CHD8: variants seen among roughly 807,000 people sequenced by gnomAD.
The protein encoded by CHD8 is chromodomain helicase DNA binding protein 8, also known as ATP-dependent chromatin remodeler CHD8.
In CHD8, 31 loss-of-function variants were observed where a neutral mutation model predicts 279.2. The observed-to-expected ratio is 0.11, with a 90% CI of 0.08 to 0.15. The LOEUF is 0.15. Ranked by LOEUF, CHD8 falls within the 10% of genes least tolerant of loss-of-function variation. The pLI is 1.00. For synonymous variants in CHD8, 1,081 were observed against 1,139.6 expected, an observed-to-expected ratio of 0.95 and a Z score of 1.04; for missense variants, 2,146 against 3,230.5, an observed-to-expected ratio of 0.66 and a Z score of 8.14.
intron 5 of CHD8, among the ~76,000 whole-genome samples, chr14:21,417,882 A>AAT (rs1411327888): frequency 0.022 from 2,997 of 138,690 alleles, 36 homozygotes; most frequent in African/African-American, 0.027. Context: ...ATATATATAT[A>AAT]ATATATATAT....
chr14:21,410,747 A>T (rs974827767), intron 10 of CHD8, among the ~76,000 whole-genome samples: 2 of 152,208 alleles, frequency 1.3e-5, no homozygotes, highest in African/African-American at 4.8e-5. Context: ...ATCAACAAGA[A>T]TCTCTAATTA....
rs772017728 is a variant in CHD8, at chr14:21,392,617, CACT to C, written c.6658_6660del (p.Ser2220del). ...GCTTCCTCCTCTGCCATGGAAGCTG[CACT>C]ACTACTTCGTGGTGTGGGGACTGGA... On this transcript the variant is annotated inframe_deletion, in exon 34 of 38. Coordinates refer to ENST00000646647, the MANE Select transcript of CHD8 (RefSeq NM_001170629.2). 1.2e-6 allele frequency: 2 copies of C among 1,613,938 alleles called. No individual in the cohort carries two copies.
intron 8 of CHD8, 27 bp from the exon 9 acceptor site, chr14:21,414,445 T>C (rs1235548438): frequency 2.6e-5 from 32 of 1,243,730 alleles, no homozygotes; most frequent in Non-Finnish European, 3.3e-5. Context: ...AATCCAGTCA[T>C]GGTGCAAGTA....
rs1421148075 is a variant in CHD8, at chr14:21,438,529, AAAG to A, written c.-215-6674_-215-6672del. On this transcript the variant is annotated intron_variant, in intron 1 of 37. Coordinates refer to ENST00000646647, the MANE Select transcript of CHD8 (RefSeq NM_001170629.2). ...TAGTCTCTTAAAAAAAAAAAAAAAA[AAAG>A]AAAGAAAGAAAAAAGAAAGATGCCG... Among the ~76,000 whole-genome samples, 970 of 149,266 alleles carry A rather than the reference AAAG, an allele frequency of 6.5e-3. 14 individuals are homozygous for A. The highest frequency in any genetic ancestry group is 0.022 in the African/African-American group (871 of 40,236).
Position 21,393,588 on chromosome 14 carries a change from C to T in CHD8, c.6207G>A (p.Ser2069=), listed in dbSNP as rs370827611. Residue 2069 remains serine (S), a synonymous_variant, in exon 32 of 38, where the codon TCG becomes TCA. Coordinates refer to ENST00000646647, the MANE Select transcript of CHD8 (RefSeq NM_001170629.2). ...PPVKLEDEDD[S]DSELDLSKLS... ...GCTTGCTCAAGTCCAGCTCAGAGTC[C>T]GAATCATCCTCATCCTCCAGTTTGA... 1,786 of 1,613,298 alleles carry T rather than the reference C, an allele frequency of 1.1e-3. 1 individual carries two copies. The highest frequency in any genetic ancestry group is 1.4e-3 in the Non-Finnish European group (1,672 of 1,179,724).
Position 21,400,193 on chromosome 14 carries a change from T to C in CHD8, c.4685A>G (p.Gln1562Arg), listed in dbSNP as rs908187348. ...CAAGTGCTTCTTATAACTTTCATCT[T>C]GGAACAAAGTGTCAGGGTTATATTT... Reference protein sequence around the residue: ...IRKYNPDTLFQDESYKKHLKH... With the variant: ...IRKYNPDTLFRDESYKKHLKH... Residue 1562 changes from glutamine (Q) to arginine (R), a missense_variant, in exon 24 of 38, where the codon CAA becomes CGA. Transcript: ENST00000646647. This position sits in a 1 kb window ranked among gnomAD's most constrained non-coding sequence, Gnocchi z 4.2. 3.1e-6 allele frequency: 5 copies of C among 1,613,830 alleles called. No homozygotes were observed. Among genetic ancestry groups the C allele is most frequent in the African/African-American group, 1.3e-5 (1 of 74,904 alleles).
At chr14:21,444,046 A>G (rs769581733) in intron 1 of CHD8, among the ~76,000 whole-genome samples, 14 of 152,126 alleles carry the variant, frequency 9.2e-5, no homozygotes, top group Non-Finnish European at 1.8e-4. Context: ...ACATTTGTAT[A>G]TGGAAATATA....
At chr14:21,434,892 C>G (rs1889716306) in intron 1 of CHD8, among the ~76,000 whole-genome samples, 3 of 152,110 alleles carry the variant, frequency 2.0e-5, no homozygotes, top group African/African-American at 7.2e-5. Context: ...CCACATACGG[C>G]CTATTTATTC....
intron 13 of CHD8, 64 bp from the exon 14 acceptor site, chr14:21,407,096 A>C (rs1357780079): frequency 7.4e-7 from 1 of 1,359,378 alleles, no homozygotes; most frequent in Non-Finnish European, 9.9e-7. Flanking sequence ...AGCTTTTCTG[A>C]ATTACTTGCC....
rs1471698570 is a variant in CHD8, at chr14:21,431,602, T to C, written c.42A>G (p.Leu14=). 1 of 1,537,194 alleles carries C rather than the reference T, an allele frequency of 6.5e-7. No homozygotes were observed. Residue 14 remains leucine (L), a synonymous_variant, in exon 2 of 38, where the codon TTA becomes TTG. Transcript: ENST00000646647. ...CATCAGTCAGAGAGTCCAGGCCAAA[T>C]AAATTTGGGTCATCGAACAGATCCA... ...PIMDLFDDPN[L]FGLDSLTDDS...
intron 1 of CHD8, among the ~76,000 whole-genome samples, chr14:21,451,128 A>G (rs1890245126): frequency 6.6e-6 from 1 of 152,220 alleles, no homozygotes; most frequent in Non-Finnish European, 1.5e-5. Context: ...AGTAAATCAT[A>G]GTTCTGGAAA....
chr14:21,385,456 G>A lies in CHD8; in HGVS notation c.*157C>T, dbSNP rs1594317634. 7.4e-6 allele frequency: 9 copies of A among 1,217,472 alleles called. No individual in the cohort carries two copies. The East Asian group carries it at 2.3e-4, about 31-fold the overall frequency. 75.4% of individuals were successfully genotyped at this position (1,217,472 alleles called of 1,614,324 possible). A position where few individuals can be genotyped will look rare whatever the true frequency, so the allele number is the denominator to read the frequency against. Reference sequence around the variant, plus strand: ...GCCCACCCAATCCTCTCATAATTGGGAGCAATCAGGTACATTTTTTTTTTT... The same window carrying A: ...GCCCACCCAATCCTCTCATAATTGGAAGCAATCAGGTACATTTTTTTTTTT... On this transcript the variant is annotated 3_prime_UTR_variant, in exon 38 of 38. Transcript: ENST00000646647.
At chr14:21,425,979 C>A in intron 5 of CHD8, 149 bp downstream of exon 5, 1 of 592,296 alleles carries the variant, frequency 1.7e-6, no homozygotes, top group Non-Finnish European at 3.0e-6. Context: ...AAGACACTGG[C>A]CAGGTCCATC....
chr14:21,454,180 A>C (rs1465875486), intron 1 of CHD8, among the ~76,000 whole-genome samples: 1 of 133,622 alleles, frequency 7.5e-6, no homozygotes, highest in African/African-American at 3.4e-5. Flanking sequence ...AAGAAAAGAA[A>C]AGAAAAGAAA....
chr14:21,418,221 C>A (rs1467068808), intron 5 of CHD8, among the ~76,000 whole-genome samples: 1 of 151,854 alleles, frequency 6.6e-6, no homozygotes, highest in Non-Finnish European at 1.5e-5. Flanking sequence ...CTGTATGATA[C>A]TACTTAAAGT....
chr14:21,443,993 A>G (rs924747663), intron 1 of CHD8, among the ~76,000 whole-genome samples: 3 of 151,990 alleles, frequency 2.0e-5, no homozygotes, highest in Admixed American at 1.3e-4. Flanking sequence ...CATTATGTGT[A>G]GTCCTCTTTT....
In CHD8 at chr14:21,406,994, C is replaced by G. The variant is rs1164596241; in HGVS notation, c.2769G>C (p.Leu923=). 2.5e-6 allele frequency: 4 copies of G among 1,599,702 alleles called. No individual in the cohort carries two copies. Among genetic ancestry groups the G allele is most frequent in the Non-Finnish European group, 2.6e-6 (3 of 1,172,608 alleles). The change falls in exon 14 of 38, where the codon CTG becomes CTC. Residue 923 remains leucine (L), a synonymous_variant. Transcript: ENST00000646647. ...ACAAAATCATCTCAAAAGTGGTGAT[C>G]AGAGCGTCAAACTTGTATGCGCCTG... is the stretch of plus-strand genomic sequence containing the variant. The part of the protein sequence containing the change: ...LIPGAYKFDA[L]ITTFEMILSD...
intron 5 of CHD8, chr14:21,425,865 G>A (rs961814223): frequency 1.1e-5 from 4 of 361,298 alleles, no homozygotes; most frequent in African/African-American, 8.5e-5. Flanking sequence ...GAAACCGGGA[G>A]GCAGAGGGTG....
intron 1 of CHD8, among the ~76,000 whole-genome samples, chr14:21,441,114 T>C (rs1889949002): frequency 1.3e-5 from 2 of 152,092 alleles, no homozygotes; most frequent in African/African-American, 4.8e-5. Flanking sequence ...GCTGGGGAAG[T>C]CTTGACTTTG....
Sources: allele counts gnomAD v4.1 joint callset (sites outside exome capture counted in the v4.1 genomes callset), GRCh38; gene constraint gnomAD v4.1.1; non-coding constraint Gnocchi (gnomAD v3.1); transcripts MANE v1.5; gene names NCBI Gene and HGNC (gene_info 2026-07-23, HGNC 2026-07-21).